PDE4D: variants seen among roughly 807,000 people sequenced by gnomAD.
PDE4D encodes the protein phosphodiesterase 4D.
Under a neutral mutation model 87.4 loss-of-function variants are expected in PDE4D, and 24 were observed. The ratio of observed to expected loss-of-function variants is 0.27; its 90% CI spans 0.20 to 0.39. The LOEUF is 0.39. Among genes scored for constraint, PDE4D ranks in the 10% least tolerant of loss-of-function variants. The probability of loss-of-function intolerance (pLI) is 1.00; values close to 1 mark genes in which losing one functional copy is unlikely to be tolerated. For synonymous variants in PDE4D, 384 were observed against 383.2 expected, an observed-to-expected ratio of 1.00 and a Z score of -0.02; for missense variants, 714 against 1,041.0, an observed-to-expected ratio of 0.69 and a Z score of 4.32.
intron 1 of PDE4D, among the ~76,000 whole-genome samples, chr5:59,733,536 C>G (rs904303632): frequency 1.3e-5 from 2 of 152,038 alleles, no homozygotes; most frequent in Non-Finnish European, 2.9e-5. Context: ...CTATTTCTTT[C>G]TGCTTTTTCT....
At chr5:59,908,423 T>C (rs1243023121) in intron 3 of PDE4D, among the ~76,000 whole-genome samples, 1 of 152,176 alleles carries the variant, frequency 6.6e-6, no homozygotes, top group Admixed American at 6.5e-5. Flanking sequence ...GTACCCAAAT[T>C]TGCATCAACC....
intron 1 of PDE4D, among the ~76,000 whole-genome samples, chr5:60,402,464 G>A (rs189515367): frequency 2.9e-4 from 44 of 152,288 alleles, no homozygotes; most frequent in Admixed American, 3.9e-4. Flanking sequence ...TTCAGTAATT[G>A]GCTCTACCCT....
chr5:60,341,665 C>A (rs566729562), intron 1 of PDE4D, among the ~76,000 whole-genome samples: 1 of 152,324 alleles, frequency 6.6e-6, no homozygotes, highest in South Asian at 2.1e-4. Context: ...GAAGCCCATA[C>A]ACAGAGCGTT....
rs1212534011 is a variant in PDE4D, at chr5:60,016,603, A to T, written c.43-27886T>A. Among the ~76,000 whole-genome samples, 4 of 152,194 alleles carry T rather than the reference A, an allele frequency of 2.6e-5. No individual in the cohort carries two copies. In the East Asian group the frequency reaches 7.7e-4, roughly 29 times the overall value. On this transcript the variant is annotated intron_variant, in intron 2 of 16. Transcript: ENST00000502484. The stretch of plus-strand genomic sequence containing the variant: ...CTGCTTTATCAAGTAAGTTTATATT[A>T]TATTCTAAAACCTTTGCTGCTATTT...
intron 2 of PDE4D, among the ~76,000 whole-genome samples, chr5:59,998,847 AAT>A (rs1763762391): frequency 6.6e-6 from 1 of 152,130 alleles, no homozygotes; most frequent in Non-Finnish European, 1.5e-5. Flanking sequence ...AGTATGTGTC[AAT>A]ATGTGTTACA....
At chr5:60,423,570 T>C (rs1743339632) in intron 1 of PDE4D, among the ~76,000 whole-genome samples, 1 of 151,952 alleles carries the variant, frequency 6.6e-6, no homozygotes, top group Non-Finnish European at 1.5e-5. Context: ...TTTATAGCAC[T>C]AAATGCACAC....
At chr5:59,421,744 T>C (rs1794511785) in intron 1 of PDE4D, among the ~76,000 whole-genome samples, 1 of 152,078 alleles carries the variant, frequency 6.6e-6, no homozygotes, top group African/African-American at 2.4e-5. Flanking sequence ...ATTTGGAAGT[T>C]GCTGAAAGAA....
intron 1 of PDE4D, among the ~76,000 whole-genome samples, chr5:60,313,898 A>G (rs1755280337): frequency 6.6e-6 from 1 of 152,202 alleles, no homozygotes; most frequent in African/African-American, 2.4e-5. Flanking sequence ...GCATCACTTC[A>G]TTTTAAAAAC....
Position 58,974,416 on chromosome 5 carries a change from G to A in PDE4D, c.*248C>T. 1 of 331,548 alleles carries A rather than the reference G, an allele frequency of 3.0e-6. No homozygotes were observed. The allele number at this position is 331,548 out of a possible 1,614,324, so 20.5% of individuals were successfully genotyped here. A position where few individuals can be genotyped will look rare whatever the true frequency, so the allele number is the denominator to read the frequency against. ...GGAGTAGATTTTATCTGCTTTGTCA[G>A]CTCTACCAAGCTGAAATCTTGTTAA... On this transcript the variant is annotated 3_prime_UTR_variant, in exon 15 of 15. Coordinates refer to ENST00000340635, the MANE Select transcript of PDE4D (RefSeq NM_001104631.2).
intron 1 of PDE4D, among the ~76,000 whole-genome samples, chr5:59,347,703 CTTCTT>C (rs1779835260): frequency 1.3e-5 from 2 of 152,262 alleles, no homozygotes; most frequent in African/African-American, 4.8e-5. Context: ...CCCCCTACAT[CTTCTT>C]TTCATCTTCC....
At chr5:59,794,560 T>C (rs893831921) in intron 1 of PDE4D, among the ~76,000 whole-genome samples, 3 of 152,056 alleles carry the variant, frequency 2.0e-5, no homozygotes, top group Non-Finnish European at 4.4e-5. Flanking sequence ...CTATAAATGT[T>C]TACTGTAATT....
At chr5:59,752,652 T>C (rs566644438) in intron 1 of PDE4D, among the ~76,000 whole-genome samples, 3 of 152,140 alleles carry the variant, frequency 2.0e-5, no homozygotes, top group Non-Finnish European at 4.4e-5. Context: ...TTTCACCTCA[T>C]GGTGGAAATT....
intron 1 of PDE4D, among the ~76,000 whole-genome samples, chr5:59,219,125 C>A (rs140679661): frequency 3.7e-4 from 55 of 148,854 alleles, no homozygotes; most frequent in African/African-American, 1.3e-3. Context: ...AGTGCACCAG[C>A]ATGGCACATG....
At chr5:59,395,450 T>C (rs1369242551) in intron 1 of PDE4D, among the ~76,000 whole-genome samples, 1 of 152,176 alleles carries the variant, frequency 6.6e-6, no homozygotes, top group Non-Finnish European at 1.5e-5. Context: ...GCAGCCTAAC[T>C]GGGAGGCTCC....
intron 1 of PDE4D, among the ~76,000 whole-genome samples, chr5:60,466,304 G>A (rs1013417360): frequency 2.6e-5 from 4 of 152,060 alleles, no homozygotes; most frequent in East Asian, 1.9e-4. Flanking sequence ...AGACCCTCAC[G>A]GATAAAGTAA....
At chr5:59,393,050 A>T (rs184894152) in intron 1 of PDE4D, among the ~76,000 whole-genome samples, 1 of 152,162 alleles carries the variant, frequency 6.6e-6, no homozygotes, top group African/African-American at 2.4e-5. Context: ...GAATGAAAAG[A>T]AAAAGTAATG....
At chr5:59,309,720 G>A (rs987798527) in intron 1 of PDE4D, among the ~76,000 whole-genome samples, 10 of 152,134 alleles carry the variant, frequency 6.6e-5, no homozygotes, top group South Asian at 2.1e-4. Context: ...TTCACAATGC[G>A]AGCCTCCACA....
intron 3 of PDE4D, among the ~76,000 whole-genome samples, chr5:59,941,790 C>T (rs567999219): frequency 4.8e-4 from 73 of 152,262 alleles, no homozygotes; most frequent in African/African-American, 1.7e-3. Flanking sequence ...TGGTGTGGAA[C>T]CCCCACCTCA....
chr5:60,027,112 G>T (rs1766716294), intron 2 of PDE4D, among the ~76,000 whole-genome samples: 1 of 151,974 alleles, frequency 6.6e-6, no homozygotes, highest in Admixed American at 6.6e-5. Context: ...CACATGTGTA[G>T]GTTTGTTACA....
Sources: allele counts gnomAD v4.1 joint callset (sites outside exome capture counted in the v4.1 genomes callset), GRCh38; gene constraint gnomAD v4.1.1; transcripts MANE v1.5; gene names NCBI Gene and HGNC (gene_info 2026-07-23, HGNC 2026-07-21).